The following MORN2 variants were observed in gnomAD, a reference collection of about 807,000 sequenced individuals.
MORN2 encodes the protein MORN repeat-containing protein 2.
MORN2 carries 15 observed loss-of-function variants against 13.4 expected under a neutral mutation model. That is an observed-to-expected ratio of 1.12 (90% CI 0.75 to 1.72). The LOEUF is 1.72. MORN2 is among the 40% of genes most tolerant of loss of function. MORN2 has a pLI of 0.00. For synonymous variants in MORN2, 46 were observed against 43.6 expected, an observed-to-expected ratio of 1.06 and a Z score of -0.22; for missense variants, 168 against 134.6, an observed-to-expected ratio of 1.25 and a Z score of -1.23.
At chr2:38,879,163 A>G (rs1416513086) in intron 1 of MORN2, among the ~76,000 whole-genome samples, 1 of 151,818 alleles carries the variant, frequency 6.6e-6, no homozygotes, top group Non-Finnish European at 1.5e-5. Context: ...TTTATTTTCC[A>G]TTTCTTCCTA....
Position 38,876,966 on chromosome 2 carries a change from C to T in MORN2, c.58+856C>T, listed in dbSNP as rs534151402. On this transcript the variant is annotated intron_variant, in intron 1 of 4. Coordinates refer to ENST00000644631, the MANE Select transcript of MORN2 (RefSeq NM_001145450.3). ...GGTAGTCCGATGCCAGAGCATGAACCCCTAACTACTACACTCTATTTTGCC... is the reference window on the plus strand; with the variant it reads ...GGTAGTCCGATGCCAGAGCATGAACTCCTAACTACTACACTCTATTTTGCC... Among the ~76,000 whole-genome samples, 9 of 152,270 alleles carry T rather than the reference C, an allele frequency of 5.9e-5. 1 individual carries two copies. In the East Asian group the frequency reaches 1.3e-3, roughly 23 times the overall value.
chr2:38,876,974 A>C (rs911318905), intron 1 of MORN2, among the ~76,000 whole-genome samples: 8 of 152,262 alleles, frequency 5.3e-5, no homozygotes. Flanking sequence ...ACCCCTAACT[A>C]CTACACTCTA....
intron 4 of MORN2, among the ~76,000 whole-genome samples, chr2:38,881,896 C>T (rs971246113): frequency 6.6e-5 from 10 of 152,238 alleles, no homozygotes; most frequent in African/African-American, 2.4e-4. Context: ...AGTGATCTGC[C>T]TGCCTCGGCC....
At chr2:38,878,920 G>C (rs1332782896) in intron 1 of MORN2, among the ~76,000 whole-genome samples, 1 of 152,188 alleles carries the variant, frequency 6.6e-6, no homozygotes, top group Non-Finnish European at 1.5e-5. Flanking sequence ...GGGGTAGAGA[G>C]AAGAAACTTA....
At chr2:38,881,637 T>G in intron 4 of MORN2, 59 bp downstream of exon 4, 21 of 1,248,248 alleles carry the variant, frequency 1.7e-5, no homozygotes, top group Non-Finnish European at 2.3e-5. Flanking sequence ...CTGGTATGTT[T>G]GCTTAAATAC....
At chr2:38,880,436 T>G (rs936384727) in intron 2 of MORN2, 164 bp from the exon 3 acceptor site, 3 of 412,130 alleles carry the variant, frequency 7.3e-6, no homozygotes, top group African/African-American at 6.1e-5. Flanking sequence ...TCCTGGCCCT[T>G]GAGTCTCAAT....
Position 38,880,699 on chromosome 2 carries a change from A to T in MORN2, c.209A>T (p.Asp70Val), listed in dbSNP as rs559850108. 17 of 1,550,172 alleles carry T rather than the reference A, an allele frequency of 1.1e-5. No individual in the cohort carries two copies. In the African/African-American group the frequency reaches 1.8e-4, roughly 16 times the overall value. The stretch of plus-strand genomic sequence containing the variant: ...ATTGTCTACACAGGAAGCTGGAAAG[A>T]TGACAAGGTATTATTGTTGTTTTTA... The change falls in exon 3 of 5, where the codon GAT becomes GTT. Residue 70 changes from aspartate to valine, a missense_variant. Physicochemically the swap from Asp to Val is radical, Grantham distance 152. Coordinates refer to ENST00000644631, the MANE Select transcript of MORN2 (RefSeq NM_001145450.3).
intron 4 of MORN2, 84 bp from the exon 5 acceptor site, chr2:38,882,329 G>A (rs1665793489): frequency 6.5e-6 from 4 of 616,416 alleles, no homozygotes; most frequent in Non-Finnish European, 7.7e-6. Flanking sequence ...TTCAGACATA[G>A]TATATATTAT....
Position 38,881,502 on chromosome 2 carries a change from G to A in MORN2, c.277G>A (p.Asp93Asn), listed in dbSNP as rs756010375. 2 of 1,545,318 alleles carry A rather than the reference G, an allele frequency of 1.3e-6. No individual in the cohort carries two copies. Among genetic ancestry groups the A allele is most frequent in the Middle Eastern group, 1.7e-4 (1 of 5,978 alleles). ...AGCAGTATATGAAGGACAATTTAAG[G>A]ATAATATGTTTCATGGACTGGGGAC... The change falls in exon 4 of 5, where the codon GAT becomes AAT. Residue 93 changes from aspartate (D) to asparagine (N), a missense_variant. Asp to Asn is a conservative substitution (Grantham distance 23). Coordinates refer to ENST00000644631, the MANE Select transcript of MORN2 (RefSeq NM_001145450.3).
intron 4 of MORN2, 91 bp from the exon 5 acceptor site, chr2:38,882,322 A>T: frequency 1.6e-6 from 1 of 643,830 alleles, no homozygotes; most frequent in Non-Finnish European, 2.4e-6. Flanking sequence ...TATAATCTTC[A>T]GACATAGTAT....
chr2:38,876,566 T>C (rs945961635), intron 1 of MORN2, among the ~76,000 whole-genome samples: 2 of 152,056 alleles, frequency 1.3e-5, no homozygotes, highest in Non-Finnish European at 2.9e-5. Context: ...GACAGTGGGG[T>C]GAGAAGAGAT....
intron 1 of MORN2, among the ~76,000 whole-genome samples, chr2:38,878,291 T>C (rs1665701235): frequency 6.6e-6 from 1 of 152,220 alleles, no homozygotes; most frequent in Non-Finnish European, 1.5e-5. Flanking sequence ...TTAACTAGCC[T>C]AGCTGGCCTT....
At chr2:38,877,334 G>A (rs1665667244) in intron 1 of MORN2, among the ~76,000 whole-genome samples, 1 of 151,890 alleles carries the variant, frequency 6.6e-6, no homozygotes, top group South Asian at 2.1e-4. Flanking sequence ...AAGAAAGAAA[G>A]TAGCTCTGTG....
intron 1 of MORN2, among the ~76,000 whole-genome samples, chr2:38,876,363 G>A (rs1349003172): frequency 6.6e-6 from 1 of 152,210 alleles, no homozygotes; most frequent in African/African-American, 2.4e-5. Flanking sequence ...GTGCCGGGTG[G>A]TCTCTGTGAG....
chr2:38,876,795 T>C (rs868659560), intron 1 of MORN2, among the ~76,000 whole-genome samples: 2 of 152,152 alleles, frequency 1.3e-5, no homozygotes, highest in Admixed American at 6.5e-5. Context: ...ATAGCTAATA[T>C]TTACAGAGTT....
chr2:38,881,800 A>C (rs1406165010), intron 4 of MORN2, among the ~76,000 whole-genome samples: 1 of 152,054 alleles, frequency 6.6e-6, no homozygotes, highest in African/African-American at 2.4e-5. Context: ...ACAGATGTGC[A>C]CTACCACACC....
In MORN2 at chr2:38,882,514, A is replaced by G. The variant is rs1473193224; in HGVS notation, c.455A>G (p.Ter152TrpextTer2). 3 of 1,544,400 alleles carry G rather than the reference A, an allele frequency of 1.9e-6. No individual in the cohort carries two copies. In the African/African-American group the frequency reaches 4.1e-5, roughly 21 times the overall value. The change falls in exon 5 of 5, where the codon TAG becomes TGG. Residue 152 changes from the stop codon to tryptophan (W), a stop_lost. Coordinates refer to ENST00000644631, the MANE Select transcript of MORN2 (RefSeq NM_001145450.3). The stretch of plus-strand genomic sequence containing the variant: ...GACCTGAAATTAAAGCTTCACATGT[A>G]GATGTGATGTTAAATTAAAGTTGAA...
At chr2:38,879,281 C>A (rs1361839226) in intron 1 of MORN2, among the ~76,000 whole-genome samples, 2 of 152,082 alleles carry the variant, frequency 1.3e-5, no homozygotes, top group African/African-American at 2.4e-5. Flanking sequence ...AATCTGTACA[C>A]CAATTTTTTT....
chr2:38,881,246 A>G (rs3099947), intron 3 of MORN2, among the ~76,000 whole-genome samples, 196 bp from the exon 4 acceptor site: 136,920 of 152,208 alleles, frequency 0.9, 63,419 homozygotes, highest in Non-Finnish European at 1. Flanking sequence ...CAGAACATTT[A>G]ATTTACTGGG....
Sources: gnomAD v4.1 joint callset for allele counts (sites outside exome capture counted in the v4.1 genomes callset) on GRCh38, gnomAD v4.1.1 for gene constraint, MANE v1.5 for transcripts, NCBI Gene and HGNC (gene_info 2026-07-23, HGNC 2026-07-21) for gene names.